MAP1B: variants seen among roughly 807,000 people sequenced by gnomAD.
The protein encoded by MAP1B is microtubule-associated protein 1B.
MAP1B carries 12 observed loss-of-function variants against 176.1 expected under a neutral mutation model. That is an observed-to-expected ratio of 0.07 (90% confidence interval 0.04 to 0.11). MAP1B has a LOEUF of 0.11. Ranked by LOEUF, MAP1B falls within the 10% of genes least tolerant of loss-of-function variation. The probability of loss-of-function intolerance (pLI) is 1.00; values close to 1 mark genes in which losing one functional copy is unlikely to be tolerated. For synonymous variants in MAP1B, 1,044 were observed against 1,135.0 expected (o/e 0.92, Z 1.61); for missense variants, 2,523 against 2,990.5 (o/e 0.84, Z 3.65).
intron 2 of MAP1B, among the ~76,000 whole-genome samples, chr5:72,161,284 G>T (rs1006821768): frequency 6.6e-6 from 1 of 152,176 alleles, no homozygotes; most frequent in Middle Eastern, 3.2e-3. Flanking sequence ...TTTTCCATGT[G>T]TACAGTGAAG....
At chr5:72,157,136 AC>A (rs1225987886) in intron 2 of MAP1B, among the ~76,000 whole-genome samples, 1 of 152,198 alleles carries the variant, frequency 6.6e-6, no homozygotes, top group East Asian at 1.9e-4. Context: ...GGAATGATTC[AC>A]TGACTTTAAT....
At chr5:72,140,876 C>G (rs1745935568) in intron 2 of MAP1B, among the ~76,000 whole-genome samples, 2 of 152,180 alleles carry the variant, frequency 1.3e-5, no homozygotes, top group Admixed American at 1.3e-4. Flanking sequence ...TTGTCTGAAT[C>G]CCCATCTCAG....
Position 72,181,723 on chromosome 5 carries a change from A to ATTT in MAP1B, c.287-2006_287-2004dup, listed in dbSNP as rs33951504. Among the ~76,000 whole-genome samples, 453 of 138,468 alleles carry ATTT rather than the reference A, an allele frequency of 3.3e-3. 9 individuals are homozygous for ATTT. Among genetic ancestry groups the ATTT allele is most frequent in the African/African-American group, 8.6e-3 (318 of 36,974 alleles). The allele number at this position is 138,468 out of a possible 152,430, so 90.8% of individuals were successfully genotyped here. On this transcript the variant is annotated intron_variant, in intron 2 of 6. Coordinates refer to ENST00000296755, the MANE Select transcript of MAP1B (RefSeq NM_005909.5). ...CAGATGTGTGCCACCACACCCAGCT[A>ATTT]TTTTTTTTTTTTTTTTGAGACGGAG...
At position 72,194,231 on chromosome 5, in the gene MAP1B, C is replaced by G; in HGVS notation, c.876C>G (p.Ser292=). The change falls in exon 5 of 7, where the codon TCC becomes TCG. Residue 292 remains serine (S), a synonymous_variant. Coordinates refer to ENST00000296755, the MANE Select transcript of MAP1B (RefSeq NM_005909.5). The surrounding 1 kb of genome is among the most constrained non-coding windows in gnomAD (Gnocchi z 7.2). ...TCAATGGCGGATCAGAGAGAAAATC[C>G]TGCTTCTGGAAGCTCATCCGACACT... ...MLINGGSERK[S]CFWKLIRHLD... 1 of 1,614,216 alleles carries G rather than the reference C, an allele frequency of 6.2e-7. No homozygotes were observed. The highest frequency in any genetic ancestry group is 8.5e-7 in the Non-Finnish European group (1 of 1,180,044).
intron 1 of MAP1B, among the ~76,000 whole-genome samples, chr5:72,114,950 A>C (rs1371883976): frequency 1.5e-4 from 23 of 152,216 alleles, no homozygotes; most frequent in Non-Finnish European, 1.5e-5. Flanking sequence ...TGTTTTATAA[A>C]GTATAAAAAG....
chr5:72,169,027 G>C (rs1561401), intron 2 of MAP1B, among the ~76,000 whole-genome samples: 70,786 of 152,076 alleles, frequency 0.47, 17,100 homozygotes, highest in African/African-American at 0.58. Context: ...ATAAAAAATA[G>C]GTTGTTAAGG....
chr5:72,208,158 C>A lies in MAP1B; in HGVS notation c.*2919C>A, dbSNP rs1230922017. 6.6e-6 allele frequency: 1 copy of A among 152,124 alleles called. No homozygotes were observed. Among genetic ancestry groups the A allele is most frequent in the African/African-American group, 2.4e-5 (1 of 41,414 alleles). 9.4% of individuals were successfully genotyped at this position (152,124 alleles called of 1,614,324 possible). A position where few individuals can be genotyped will look rare whatever the true frequency, so the allele number is the denominator to read the frequency against. ...CAGGTTGCTCCTGTCCTTCCAGACACCTTTCCTGCCTGTGTGACTAACCTA... is the reference window on the plus strand; with the variant it reads ...CAGGTTGCTCCTGTCCTTCCAGACAACTTTCCTGCCTGTGTGACTAACCTA... On this transcript the variant is annotated 3_prime_UTR_variant, in exon 7 of 7. Coordinates refer to ENST00000296755, the MANE Select transcript of MAP1B (RefSeq NM_005909.5).
chr5:72,107,844 C>T, intron 1 of MAP1B, 129 bp downstream of exon 1: 2 of 923,572 alleles, frequency 2.2e-6, no homozygotes, highest in Non-Finnish European at 3.3e-6. Flanking sequence ...ACCTCTCATA[C>T]TTGGTCCAGA....
chr5:72,147,126 G>A (rs1247134302), intron 2 of MAP1B, among the ~76,000 whole-genome samples: 1 of 152,002 alleles, frequency 6.6e-6, no homozygotes, highest in African/African-American at 2.4e-5. Flanking sequence ...GCGCCACCAC[G>A]ACTGGCTAAT....
chr5:72,172,615 T>G (rs1746568044), intron 2 of MAP1B, among the ~76,000 whole-genome samples: 1 of 152,210 alleles, frequency 6.6e-6, no homozygotes, highest in Admixed American at 6.5e-5. Context: ...AAATTAAATA[T>G]CAGATAAACC....
At chr5:72,118,402 A>T (rs1261697410) in intron 2 of MAP1B, among the ~76,000 whole-genome samples, 1 of 152,202 alleles carries the variant, frequency 6.6e-6, no homozygotes, top group Non-Finnish European at 1.5e-5. Context: ...CAGCCAGGTA[A>T]AACATTGTTA....
chr5:72,157,940 A>G (rs1304617183), intron 2 of MAP1B, among the ~76,000 whole-genome samples: 1 of 151,368 alleles, frequency 6.6e-6, no homozygotes, highest in South Asian at 2.1e-4. Flanking sequence ...CCCGGGTCCA[A>G]GCGATTCTCC....
intron 2 of MAP1B, among the ~76,000 whole-genome samples, chr5:72,166,283 C>G (rs80205494): frequency 0.018 from 2,736 of 152,234 alleles, 86 homozygotes; most frequent in African/African-American, 0.062. Flanking sequence ...ATTTCATGAT[C>G]GTCAACAGAA....
intron 2 of MAP1B, among the ~76,000 whole-genome samples, chr5:72,154,589 G>C (rs567480995): frequency 6.6e-6 from 1 of 152,246 alleles, no homozygotes; most frequent in South Asian, 2.1e-4. Context: ...TTGCCAACCA[G>C]AGTTTTCCTG....
rs1416270014 is a variant in MAP1B at position 72,196,623 on chromosome 5, T to G, written c.3268T>G (p.Leu1090Val). The G allele has an allele frequency of 5.6e-6, 9 of 1,613,868 alleles. No homozygotes were observed. The highest frequency in any genetic ancestry group is 3.3e-5 in the Admixed American group (2 of 59,990). ...EPASSIHDET[L>V]PGGSESEATA... ...TGCATCTTCAATTCATGATGAGACT[T>G]TACCTGGAGGCTCAGAGAGCGAGGC... The change falls in exon 5 of 7, where the codon TTA (leucine) becomes GTA (valine). Residue 1090 changes from leucine (L) to valine (V), a missense_variant. By Grantham distance (32) the Leu-to-Val change is conservative. Transcript: ENST00000296755. The surrounding 1 kb of genome is among the most constrained non-coding windows in gnomAD (Gnocchi z 5.3).
intron 6 of MAP1B, 47 bp from the exon 7 acceptor site, chr5:72,205,037 T>C (rs770682693): frequency 2.0e-6 from 3 of 1,532,366 alleles, no homozygotes; most frequent in Non-Finnish European, 2.7e-6. Context: ...TTCATATGGT[T>C]TCTGTTTCTG....
At position 72,197,809 on chromosome 5, in the gene MAP1B, G is replaced by A; in HGVS notation, c.4454G>A (p.Ser1485Asn). The A allele has an allele frequency of 1.2e-6, 2 of 1,614,218 alleles. No homozygotes were observed. The highest frequency in any genetic ancestry group is 1.7e-6 in the Non-Finnish European group (2 of 1,180,048). Residue 1485 changes from serine to asparagine, a missense_variant, in exon 5 of 7, where the codon AGT becomes AAT. This residue lies in a region of MAP1B where 1,925 missense variants were observed against 2,126.0 expected (regional missense o/e 0.91). Transcript: ENST00000296755. ...EKKTDDVEAMSSQPALALDER... is the reference protein window; with the variant it reads ...EKKTDDVEAMNSQPALALDER... ...AAAACTGATGATGTTGAAGCCATGA[G>A]TTCTCAACCAGCACTGGCTCTGGAT... is the stretch of plus-strand genomic sequence containing the variant.
At chr5:72,108,582 G>A (rs1745196936) in intron 1 of MAP1B, among the ~76,000 whole-genome samples, 2 of 152,192 alleles carry the variant, frequency 1.3e-5, no homozygotes, top group Non-Finnish European at 2.9e-5. Context: ...GACCCTGGGC[G>A]GGGCCGTGAG....
At position 72,200,306 on chromosome 5, in the gene MAP1B, C is replaced by A; in HGVS notation, c.6951C>A (p.Asp2317Glu). ...AAGCTGCACGTGGGGAAGAGAAAGA[C>A]AAGGAGACCAAGAATGCTGCCAATG... is the stretch of plus-strand genomic sequence containing the variant. ...EVKAARGEEKDKETKNAANAS... is the reference protein window; with the variant it reads ...EVKAARGEEKEKETKNAANAS... Residue 2317 changes from aspartate (D) to glutamate (E), a missense_variant, in exon 5 of 7, where the codon GAC becomes GAA. By Grantham distance (45) the Asp-to-Glu change is conservative (BLOSUM62 2). Transcript: ENST00000296755. 2 of 1,614,226 alleles carry A rather than the reference C, an allele frequency of 1.2e-6. No individual in the cohort carries two copies. Among genetic ancestry groups the A allele is most frequent in the Non-Finnish European group, 1.7e-6 (2 of 1,180,048 alleles).
Sources: allele counts gnomAD v4.1 joint callset (sites outside exome capture counted in the v4.1 genomes callset), GRCh38; gene constraint gnomAD v4.1.1; regional missense constraint gnomAD v4.1.1; non-coding constraint Gnocchi (gnomAD v3.1); transcripts MANE v1.5; gene names NCBI Gene and HGNC (gene_info 2026-07-23, HGNC 2026-07-21).